The following FLT1 variants were observed in gnomAD, a reference collection of about 807,000 sequenced individuals.
FLT1 encodes the protein vascular endothelial growth factor receptor 1.
In FLT1, 49 loss-of-function variants were observed where a neutral mutation model predicts 156.3. The ratio of observed to expected loss-of-function variants is 0.31; its 90% confidence interval spans 0.25 to 0.40. The LOEUF is 0.40. FLT1 is among the 10% of genes least tolerant of loss of function. The pLI is 1.00. For missense variants in FLT1, 1,322 were observed against 1,637.2 expected, an observed-to-expected ratio of 0.81 and a Z score of 3.32; for synonymous variants, 594 against 583.8, an observed-to-expected ratio of 1.02 and a Z score of -0.25.
At chr13:28,442,774 T>C (rs1365171207) in intron 3 of FLT1, among the ~76,000 whole-genome samples, 1 of 152,028 alleles carries the variant, frequency 6.6e-6, no homozygotes, top group African/African-American at 2.4e-5. Flanking sequence ...TAATAGTATA[T>C]TTCCTCTGCA....
intron 1 of FLT1, among the ~76,000 whole-genome samples, chr13:28,479,566 T>A (rs1880729751): frequency 6.6e-6 from 1 of 152,178 alleles, no homozygotes; most frequent in Non-Finnish European, 1.5e-5. Context: ...TTGCTGAGAG[T>A]CAAATTTCTG....
intron 28 of FLT1, among the ~76,000 whole-genome samples, chr13:28,307,730 A>G (rs1870810384): frequency 6.6e-6 from 1 of 150,726 alleles, no homozygotes; most frequent in Non-Finnish European, 1.5e-5. Context: ...TCACACTGTC[A>G]TTGGCCTTCC....
At chr13:28,364,725 A>G (rs563733013) in intron 14 of FLT1, among the ~76,000 whole-genome samples, 1 of 152,136 alleles carries the variant, frequency 6.6e-6, no homozygotes, top group Non-Finnish European at 1.5e-5. Flanking sequence ...TTCAGATACT[A>G]TCTGAATTTT....
At chr13:28,411,012 C>T (rs1220432101) in intron 10 of FLT1, among the ~76,000 whole-genome samples, 1 of 152,090 alleles carries the variant, frequency 6.6e-6, no homozygotes, top group Non-Finnish European at 1.5e-5. Flanking sequence ...CAGAGGAAAA[C>T]TCTGGGGGGC....
intron 10 of FLT1, 137 bp from the exon 11 acceptor site, chr13:28,406,031 T>A: frequency 1.5e-6 from 1 of 673,840 alleles, no homozygotes; most frequent in South Asian, 1.6e-5. Context: ...TTCCTTAGAT[T>A]TTTTCCTATA....
intron 15 of FLT1, among the ~76,000 whole-genome samples, chr13:28,355,523 C>A (rs577210270): frequency 3.9e-5 from 6 of 152,102 alleles, no homozygotes; most frequent in Non-Finnish European, 5.9e-5. Flanking sequence ...ATTCCAGAAG[C>A]GGGGATTGAG....
chr13:28,383,627 A>G (rs1874175619), intron 14 of FLT1, among the ~76,000 whole-genome samples: 1 of 151,652 alleles, frequency 6.6e-6, no homozygotes, highest in African/African-American at 2.4e-5. Flanking sequence ...GCACCACTGC[A>G]CTCCAGCCTG....
chr13:28,478,979 C>T lies in FLT1; in HGVS notation c.65-11362G>A, dbSNP rs957839417. On this transcript the variant is annotated intron_variant, in intron 1 of 29. Transcript: ENST00000282397. ...GAGAGATGAAATGAGATTGGAAGGCCGAATGTGATAAAGTTCTGATGTTAA... is the reference window on the plus strand; with the variant it reads ...GAGAGATGAAATGAGATTGGAAGGCTGAATGTGATAAAGTTCTGATGTTAA... 4.6e-5 allele frequency among the ~76,000 whole-genome samples: 7 copies of T among 152,130 alleles called. No individual in the cohort carries two copies. The South Asian group carries it at 6.2e-4, about 14-fold the overall frequency.
rs140861115 is a variant in FLT1, at chr13:28,311,623, G to A, written c.3602C>T (p.Pro1201Leu). The A allele has an allele frequency of 4.0e-3, 6,509 of 1,613,588 alleles. 17 individuals are homozygous for A. The highest frequency in any genetic ancestry group is 4.8e-3 in the Non-Finnish European group (5,651 of 1,179,772). ...EDFFKESISA[P>L]KFNSGSSDDV... is the part of the protein sequence containing the mutation. ...ATCAGAGCTTCCTGAATTAAACTTC[G>A]GAGCTGAAATACTTTCCTTGAAGAA... The change falls in exon 27 of 30, where the codon CCG becomes CTG. Residue 1201 changes from proline to leucine, a missense_variant. By Grantham distance (98) the Pro-to-Leu change is moderately conservative (BLOSUM62 -3). This residue lies in a region of FLT1 where 329 missense variants were observed against 366.2 expected (regional missense o/e 0.90). Coordinates refer to ENST00000282397, the MANE Select transcript of FLT1 (RefSeq NM_002019.4).
intron 14 of FLT1, among the ~76,000 whole-genome samples, chr13:28,366,873 C>T (rs1450863546): frequency 5.3e-5 from 8 of 152,214 alleles, no homozygotes; most frequent in Non-Finnish European, 1.2e-4. Context: ...AAATTGCTGA[C>T]TTTCTTATCT....
intron 1 of FLT1, among the ~76,000 whole-genome samples, chr13:28,484,147 G>A (rs1328809315): frequency 1.3e-5 from 2 of 152,160 alleles, no homozygotes; most frequent in Non-Finnish European, 1.5e-5. Flanking sequence ...CTTCCCTGGG[G>A]GACAGTTAAT....
chr13:28,339,165 T>C lies in FLT1; in HGVS notation c.2488+3A>G. The C allele has an allele frequency of 1.9e-6, 3 of 1,613,878 alleles. No homozygotes were observed. The highest frequency in any genetic ancestry group is 2.5e-6 in the Non-Finnish European group (3 of 1,179,766). On this transcript the variant is annotated splice_donor_region_variant and intron_variant, in intron 17 of 29. Transcript: ENST00000282397. The stretch of plus-strand genomic sequence containing the variant: ...TTATGAATCTGTTGAACAAATATCT[T>C]ACCCAGTTTAAGTCTCTCCCGGGCA...
rs749223489 is a variant in FLT1, at chr13:28,427,266, G to A, written c.1329C>T (p.Leu443=). 1.5e-5 allele frequency: 25 copies of A among 1,613,904 alleles called. 1 individual carries two copies. In the South Asian group the frequency reaches 2.7e-4, roughly 18 times the overall value. ...GGATTTGTCTGCTGCCCAGTGGGTA[G>A]AGAGCCGGGTCTGGAAACGATGACA... is the stretch of plus-strand genomic sequence containing the variant. ...KAVSSFPDPA[L]YPLGSRQILT... Residue 443 remains leucine, a synonymous_variant, in exon 10 of 30, where the codon CTC becomes CTT. Transcript: ENST00000282397.
At chr13:28,412,985 G>A (rs1289091193) in intron 10 of FLT1, among the ~76,000 whole-genome samples, 1 of 152,152 alleles carries the variant, frequency 6.6e-6, no homozygotes, top group East Asian at 1.9e-4. Context: ...AAGGGCCTGG[G>A]CCTTCAGGGT....
intron 15 of FLT1, among the ~76,000 whole-genome samples, chr13:28,350,905 T>TTCCTTCCTTCCC (rs1872718478): frequency 1.3e-5 from 2 of 151,644 alleles, no homozygotes; most frequent in African/African-American, 4.8e-5. Context: ...CCTTCCTTCT[T>TTCCTTCCTTCCC]TCCTTCCTTC....
intron 18 of FLT1, among the ~76,000 whole-genome samples, chr13:28,330,494 A>T (rs1310885488): frequency 6.6e-6 from 1 of 151,326 alleles, no homozygotes; most frequent in Non-Finnish European, 1.5e-5. Flanking sequence ...AGCAAAAGCC[A>T]CTCCGACCCA....
chr13:28,420,070 A>G (rs1876913530), intron 10 of FLT1, among the ~76,000 whole-genome samples: 1 of 152,242 alleles, frequency 6.6e-6, no homozygotes, highest in African/African-American at 2.4e-5. Context: ...AGCAGAGAAA[A>G]GTGGCAAAGG....
intron 16 of FLT1, 73 bp from the exon 17 acceptor site, chr13:28,339,373 C>T (rs1039223082): frequency 3.0e-5 from 46 of 1,519,840 alleles, no homozygotes; most frequent in Admixed American, 7.1e-5. Context: ...CCGTTAACAT[C>T]CACTGTTTTA....
chr13:28,317,453 A>G, intron 25 of FLT1, 45 bp downstream of exon 25: 1 of 1,234,982 alleles, frequency 8.1e-7, no homozygotes, highest in Non-Finnish European at 1.2e-6. Context: ...TGCCCTGGTG[A>G]AAAGCGAGCT....
Sources: gnomAD v4.1 joint callset for allele counts (sites outside exome capture counted in the v4.1 genomes callset) on GRCh38, gnomAD v4.1.1 for gene constraint, gnomAD v4.1.1 regional missense constraint, MANE v1.5 for transcripts, NCBI Gene and HGNC (gene_info 2026-07-23, HGNC 2026-07-21) for gene names.